SMPDL3A: variants seen among roughly 807,000 people sequenced by gnomAD.
The protein encoded by SMPDL3A is cyclic GMP-AMP phosphodiesterase SMPDL3A.
A neutral mutation model predicts 38.5 loss-of-function variants in SMPDL3A; 39 were observed. The ratio of observed to expected loss-of-function variants is 1.01; its 90% CI spans 0.78 to 1.32. The LOEUF (loss-of-function observed/expected upper bound fraction) is 1.32. Among genes scored for constraint, SMPDL3A ranks in the 40% most tolerant of loss-of-function variants. The pLI, the probability that SMPDL3A is intolerant of heterozygous loss-of-function variation, is 0.00. For missense variants in SMPDL3A, 502 were observed against 536.2 expected, an observed-to-expected ratio of 0.94 and a Z score of 0.63; for synonymous variants, 180 against 194.3, an observed-to-expected ratio of 0.93 and a Z score of 0.61.
At position 122,809,571 on chromosome 6, in the gene SMPDL3A, C is replaced by A; in HGVS notation, c.*163C>A. The A allele has an allele frequency of 1.8e-6, 1 of 568,118 alleles. No homozygotes were observed. Among genetic ancestry groups the A allele is most frequent in the Non-Finnish European group, 3.1e-6 (1 of 321,936 alleles). 35.2% of individuals were successfully genotyped at this position (568,118 alleles called of 1,614,324 possible). A position where few individuals can be genotyped will look rare whatever the true frequency, so the allele number is the denominator to read the frequency against. ...GATGCCTTAATGTAGATATCTTTAT[C>A]ATTCTGAATTGTATTATATATTTAA... On this transcript the variant is annotated 3_prime_UTR_variant, in exon 8 of 8. Coordinates refer to ENST00000368440, the MANE Select transcript of SMPDL3A (RefSeq NM_006714.5).
At chr6:122,808,418 C>T (rs911922121) in intron 7 of SMPDL3A, among the ~76,000 whole-genome samples, 21 of 152,120 alleles carry the variant, frequency 1.4e-4, no homozygotes, top group African/African-American at 4.6e-4. Context: ...GTACGAGCTG[C>T]CTTCAGCACA....
Position 122,809,450 on chromosome 6 carries a change from C to A in SMPDL3A, c.*42C>A. 7.1e-7 allele frequency: 1 copy of A among 1,401,760 alleles called. No homozygotes were observed. Among genetic ancestry groups the A allele is most frequent in the Non-Finnish European group, 9.9e-7 (1 of 1,014,640 alleles). 86.8% of individuals were successfully genotyped at this position (1,401,760 alleles called of 1,614,324 possible). On this transcript the variant is annotated 3_prime_UTR_variant, in exon 8 of 8. Transcript: ENST00000368440. ...CTAATAGAAAATGCTGATTCTGATT[C>A]TGAGATCAATTTGTGGGAATTTTAC...
At chr6:122,804,803 T>C (rs1781546981) in intron 5 of SMPDL3A, 106 bp from the exon 6 acceptor site, 1 of 932,420 alleles carries the variant, frequency 1.1e-6, no homozygotes, top group Non-Finnish European at 1.6e-6. Flanking sequence ...ATTTGCTTTC[T>C]AAATTTTAAT....
intron 6 of SMPDL3A, among the ~76,000 whole-genome samples, 168 bp downstream of exon 6, chr6:122,805,257 C>T (rs549504451): frequency 1.3e-5 from 2 of 152,332 alleles, no homozygotes; most frequent in East Asian, 3.9e-4. Flanking sequence ...GTCCAAATCA[C>T]AACATTAGGC....
At chr6:122,804,848 T>C (rs1417650296) in intron 5 of SMPDL3A, 61 bp from the exon 6 acceptor site, 12 of 1,422,698 alleles carry the variant, frequency 8.4e-6, no homozygotes, top group Non-Finnish European at 1.1e-5. Flanking sequence ...CCAAATGTCA[T>C]TTAGTTATGA....
At chr6:122,800,540 A>G (rs1442738896) in intron 3 of SMPDL3A, among the ~76,000 whole-genome samples, 1 of 152,194 alleles carries the variant, frequency 6.6e-6, no homozygotes, top group Non-Finnish European at 1.5e-5. Flanking sequence ...TAGCCATGCT[A>G]AAACATGAGC....
intron 4 of SMPDL3A, among the ~76,000 whole-genome samples, chr6:122,802,295 G>C (rs931276460): frequency 6.6e-6 from 1 of 150,462 alleles, no homozygotes; most frequent in African/African-American, 2.4e-5. Context: ...TCTGCCTCCT[G>C]GTTTCAAGCG....
chr6:122,801,008 C>T (rs1781412584), intron 3 of SMPDL3A, among the ~76,000 whole-genome samples: 1 of 152,166 alleles, frequency 6.6e-6, no homozygotes, highest in Non-Finnish European at 1.5e-5. Flanking sequence ...GCCTTGGCCT[C>T]CCAAAGTGCT....
Position 122,804,968 on chromosome 6 carries a change from A to G in SMPDL3A, c.798A>G (p.Ala266=), listed in dbSNP as rs769436909. ...GYLPSSQNIT[A]MREYYNEKLI... The stretch of plus-strand genomic sequence containing the variant: ...TGCCATCTTCACAGAACATCACAGC[A>G]ATGAGAGAATACTATAATGAGAAAT... The change falls in exon 6 of 8, where the codon GCA becomes GCG. Residue 266 remains alanine (A), a synonymous_variant. Transcript: ENST00000368440. The G allele has an allele frequency of 6.2e-7, 1 of 1,613,568 alleles. No individual in the cohort carries two copies. Among genetic ancestry groups the G allele is most frequent in the Non-Finnish European group, 8.5e-7 (1 of 1,179,816 alleles).
At chr6:122,805,742 C>T (rs1781589922) in intron 6 of SMPDL3A, among the ~76,000 whole-genome samples, 1 of 152,188 alleles carries the variant, frequency 6.6e-6, no homozygotes, top group South Asian at 2.1e-4. Flanking sequence ...CCTGCCTCAG[C>T]CTCCCGAGTA....
chr6:122,804,798 C>T, intron 5 of SMPDL3A, 111 bp from the exon 6 acceptor site: 1 of 849,830 alleles, frequency 1.2e-6, no homozygotes, highest in Non-Finnish European at 1.8e-6. Context: ...GATATATTTG[C>T]TTTCTAAATT....
chr6:122,802,680 A>T (rs911111247), intron 4 of SMPDL3A, among the ~76,000 whole-genome samples: 17 of 152,222 alleles, frequency 1.1e-4, no homozygotes, highest in Non-Finnish European at 2.4e-4. Flanking sequence ...CCTAAGAAAA[A>T]GCCATATGAG....
In SMPDL3A at chr6:122,801,329, C is replaced by T; in HGVS notation, c.491C>T (p.Thr164Ile). Residue 164 changes from threonine to isoleucine, a missense_variant, in exon 4 of 8, where the codon ACC becomes ATC. Physicochemically the swap from Thr to Ile is moderately conservative, Grantham distance 89. Transcript: ENST00000368440. The stretch of plus-strand genomic sequence containing the variant: ...GGCCAGGATCAACTGCCTGTAGTCA[C>T]CAGTAAAGTGTACAATGCAGTAGCA... ...YWPQDQLPVV[T>I]SKVYNAVANL... 1 of 1,612,754 alleles carries T rather than the reference C, an allele frequency of 6.2e-7. No homozygotes were observed. The highest frequency in any genetic ancestry group is 8.5e-7 in the Non-Finnish European group (1 of 1,178,780).
intron 1 of SMPDL3A, among the ~76,000 whole-genome samples, chr6:122,790,192 G>T (rs572281652): frequency 6.6e-6 from 1 of 152,278 alleles, no homozygotes; most frequent in East Asian, 1.9e-4. Context: ...ACTTAAAATT[G>T]TTAGCATTGC....
chr6:122,790,108 C>T (rs1781027368), intron 1 of SMPDL3A, among the ~76,000 whole-genome samples: 1 of 152,158 alleles, frequency 6.6e-6, no homozygotes, highest in Admixed American at 6.5e-5. Context: ...TATTCACTCC[C>T]AGCACTTAAC....
chr6:122,804,456 A>C (rs543272658), intron 5 of SMPDL3A, among the ~76,000 whole-genome samples: 1 of 151,986 alleles, frequency 6.6e-6, no homozygotes, highest in East Asian at 1.9e-4. Flanking sequence ...GGTGTGCGCC[A>C]CCACTCCTGG....
At chr6:122,795,548 C>T in intron 1 of SMPDL3A, 129 bp from the exon 2 acceptor site, 1 of 676,416 alleles carries the variant, frequency 1.5e-6, no homozygotes, top group Non-Finnish European at 2.5e-6. Flanking sequence ...GGCTTATGAA[C>T]ATTTAAATTA....
chr6:122,806,002 C>T (rs1195467041), intron 6 of SMPDL3A, among the ~76,000 whole-genome samples: 1 of 152,184 alleles, frequency 6.6e-6, no homozygotes, highest in Non-Finnish European at 1.5e-5. Context: ...GGATAATTTA[C>T]ATAACCACAA....
intron 1 of SMPDL3A, among the ~76,000 whole-genome samples, chr6:122,790,592 G>A (rs1365728636): frequency 1.3e-5 from 2 of 152,138 alleles, no homozygotes; most frequent in Non-Finnish European, 2.9e-5. Context: ...CTCTTTGAAG[G>A]CCAAGTCCTC....
Sources: allele counts gnomAD v4.1 joint callset (sites outside exome capture counted in the v4.1 genomes callset), GRCh38; gene constraint gnomAD v4.1.1; transcripts MANE v1.5; gene names NCBI Gene and HGNC (gene_info 2026-07-23, HGNC 2026-07-21).